GALR2: variants seen among roughly 807,000 people sequenced by gnomAD.
GALR2 encodes the protein galanin receptor 2, also known as galanin receptor type 2.
A neutral mutation model predicts 7.2 loss-of-function variants in GALR2; 5 were observed. The observed-to-expected ratio is 0.69, with a 90% CI of 0.36 to 1.45. The LOEUF (loss-of-function observed/expected upper bound fraction) is 1.45, where lower values mean the gene tolerates loss of function less well. Ranked by LOEUF, GALR2 falls within the 40% of genes most tolerant of loss-of-function variation. The pLI is 0.03. For synonymous variants in GALR2, 300 were observed against 263.9 expected (o/e 1.14, Z -1.32); for missense variants, 561 against 555.7 (o/e 1.01, Z -0.10).
upstream of GALR2, chr17:76,072,621 A>T (rs2066866183): frequency 6.9e-7 from 1 of 1,452,342 alleles, no homozygotes; most frequent in African/African-American, 1.5e-5. The surrounding 1 kb of genome is among the most constrained non-coding windows in gnomAD (Gnocchi z 4.5). Flanking sequence ...TTGCTGCAGC[A>T]GGGCGCCATG....
chr17:76,074,745 C>G, upstream of GALR2: 1 of 919,444 alleles, frequency 1.1e-6, no homozygotes, highest in Non-Finnish European at 1.6e-6. The surrounding 1 kb of genome is among the most constrained non-coding windows in gnomAD (Gnocchi z 6.7). Context: ...ATCCCCGCCC[C>G]AGATGAGGCA....
chr17:76,072,156 C>CG (rs397953549), upstream of GALR2: 2 of 1,450,524 alleles, frequency 1.4e-6, no homozygotes, highest in Non-Finnish European at 1.9e-6. The surrounding 1 kb of genome is among the most constrained non-coding windows in gnomAD (Gnocchi z 4.5). Context: ...AGACCCCCCC[C>CG]GGAATTCTGA....
At chr17:76,072,265 G>T, upstream of GALR2, 5 of 1,603,292 alleles carry the variant, frequency 3.1e-6, no homozygotes, top group South Asian at 3.3e-5. The surrounding 1 kb of genome is among the most constrained non-coding windows in gnomAD (Gnocchi z 4.5). Flanking sequence ...CCTCCAGTTC[G>T]ACACGTAATC....
Position 76,076,014 on chromosome 17 carries a change from G to C in GALR2, c.369-622G>C, listed in dbSNP as rs935922603. 4.6e-5 allele frequency among the ~76,000 whole-genome samples: 7 copies of C among 152,144 alleles called. No individual in the cohort carries two copies. The highest frequency in any genetic ancestry group is 1.7e-4 in the African/African-American group (7 of 41,430). On this transcript the variant is annotated intron_variant, in intron 1 of 1. Coordinates refer to ENST00000329003, the MANE Select transcript of GALR2 (RefSeq NM_003857.4). The surrounding 1 kb of genome is among the most constrained non-coding windows in gnomAD (Gnocchi z 6.5). ...TGAAAGGACACTGGGATGGTTCCTGGGGAGGAAATCCGGGTATTTCCCCTC... is the reference window on the plus strand; with the variant it reads ...TGAAAGGACACTGGGATGGTTCCTGCGGAGGAAATCCGGGTATTTCCCCTC...
upstream of GALR2, chr17:76,074,759 C>T (rs779859812): frequency 7.0e-5 from 76 of 1,078,306 alleles, no homozygotes; most frequent in Non-Finnish European, 9.2e-5. This position sits in a 1 kb window ranked among gnomAD's most constrained non-coding sequence, Gnocchi z 6.7. Context: ...TGAGGCAAGG[C>T]TCCCTCCGCC....
At chr17:76,072,446 T>TGCCGCC (rs536477130), upstream of GALR2, 1,578 of 1,579,176 alleles carry the variant, frequency 1.0e-3, 4 homozygotes, top group Non-Finnish European at 1.1e-3. The surrounding 1 kb of genome is among the most constrained non-coding windows in gnomAD (Gnocchi z 4.5). Flanking sequence ...CCGCCGCCAC[T>TGCCGCC]GCCGCCGCCG....
chr17:76,074,890 G>A lies in GALR2; in HGVS notation c.7G>A (p.Val3Ile), dbSNP rs199821083. 6.6e-6 allele frequency: 10 copies of A among 1,525,516 alleles called. No homozygotes were observed. The African/African-American group carries it at 1.4e-4, about 21-fold the overall frequency. 94.5% of individuals were successfully genotyped at this position (1,525,516 alleles called of 1,614,324 possible). The stretch of plus-strand genomic sequence containing the variant: ...CCTCGGGGTCAGCGGCACCATGAAC[G>A]TCTCGGGCTGCCCAGGGGCCGGGAA... MN[V>I]SGCPGAGNAS... The change falls in exon 1 of 2, where the codon GTC (valine) becomes ATC (isoleucine). Residue 3 changes from valine to isoleucine, a missense_variant. Physicochemically the swap from Val to Ile is conservative, Grantham distance 29. Coordinates refer to ENST00000329003, the MANE Select transcript of GALR2 (RefSeq NM_003857.4). The surrounding 1 kb of genome is among the most constrained non-coding windows in gnomAD (Gnocchi z 6.7).
chr17:76,072,766 G>A (rs1396900317), upstream of GALR2: 1 of 577,804 alleles, frequency 1.7e-6, no homozygotes, highest in Non-Finnish European at 2.9e-6. This position sits in a 1 kb window ranked among gnomAD's most constrained non-coding sequence, Gnocchi z 4.5. Flanking sequence ...CACCCACTAA[G>A]GGCGGAGAAC....
At position 76,075,486 on chromosome 17, in the gene GALR2, GC is replaced by G. The variant is rs1004703699; in HGVS notation, c.368+238del. ...CTGGAGAATGTGGCTCTCCAGCGCC[GC>G]CCGTGCCTGACAACGCGCAGCGTTT... On this transcript the variant is annotated intron_variant, in intron 1 of 1. Transcript: ENST00000329003. The surrounding 1 kb of genome is among the most constrained non-coding windows in gnomAD (Gnocchi z 5.9). Among the ~76,000 whole-genome samples the G allele has an allele frequency of 6.6e-6, 1 of 152,242 alleles. No individual in the cohort carries two copies. The highest frequency in any genetic ancestry group is 2.4e-5 in the African/African-American group (1 of 41,476).
rs1408426955 is a variant in GALR2 at position 76,076,876 on chromosome 17, C to T, written c.609C>T (p.Leu203=). 6 of 1,603,590 alleles carry T rather than the reference C, an allele frequency of 3.7e-6. No homozygotes were observed. In the African/African-American group the frequency reaches 6.7e-5, roughly 18 times the overall value. Reference sequence around the variant, plus strand: ...GCTACCTGCTTCCTGTGCTGGTTCTCGGCCTGACCTACGCGCGCACCTTGC... The same window carrying T: ...GCTACCTGCTTCCTGTGCTGGTTCTTGGCCTGACCTACGCGCGCACCTTGC... ...VFSYLLPVLV[L]GLTYARTLRY... Residue 203 remains leucine, a synonymous_variant, in exon 2 of 2, where the codon CTC becomes CTT. Transcript: ENST00000329003. The surrounding 1 kb of genome is among the most constrained non-coding windows in gnomAD (Gnocchi z 6.5).
chr17:76,076,887 A>C lies in GALR2; in HGVS notation c.620A>C (p.Tyr207Ser), dbSNP rs765594871. ...CCTGTGCTGGTTCTCGGCCTGACCT[A>C]CGCGCGCACCTTGCGCTACCTCTGG... ...LLPVLVLGLTYARTLRYLWRA... is the reference protein window; with the variant it reads ...LLPVLVLGLTSARTLRYLWRA... Residue 207 changes from tyrosine to serine, a missense_variant, in exon 2 of 2, where the codon TAC becomes TCC. Coordinates refer to ENST00000329003, the MANE Select transcript of GALR2 (RefSeq NM_003857.4). The surrounding 1 kb of genome is among the most constrained non-coding windows in gnomAD (Gnocchi z 6.5). 12 of 1,603,210 alleles carry C rather than the reference A, an allele frequency of 7.5e-6. No individual in the cohort carries two copies. Among genetic ancestry groups the C allele is most frequent in the Non-Finnish European group, 9.3e-6 (11 of 1,179,116 alleles).
At chr17:76,072,428 T>G (rs377012082), upstream of GALR2, 104 of 1,585,522 alleles carry the variant, frequency 6.6e-5, no homozygotes, top group Non-Finnish European at 8.6e-5. This position sits in a 1 kb window ranked among gnomAD's most constrained non-coding sequence, Gnocchi z 4.5. Context: ...CCGCCGCCAC[T>G]GCCACCGCCG....
chr17:76,076,639 T>A lies in GALR2; in HGVS notation c.372T>A (p.Tyr124Ter). The A allele has an allele frequency of 3.8e-6, 6 of 1,577,594 alleles. No individual in the cohort carries two copies. The highest frequency in any genetic ancestry group is 4.3e-6 in the Non-Finnish European group (5 of 1,166,106). Reference sequence around the variant, plus strand: ...TCCCTTCCCGGTCTGACCGCAGGTATCTGGCCATCCGCTACCCGCTGCACT... The same window carrying A: ...TCCCTTCCCGGTCTGACCGCAGGTAACTGGCCATCCGCTACCCGCTGCACT... Reference protein sequence around the residue: ...FTLAAVSLDRYLAIRYPLHSR... With the variant: ...FTLAAVSLDR The change falls in exon 2 of 2, where the codon TAT (tyrosine) becomes TAA (stop). Residue 124 changes from tyrosine to a stop codon, truncating the protein, a stop_gained. Coordinates refer to ENST00000329003, the MANE Select transcript of GALR2 (RefSeq NM_003857.4). LOFTEE classifies it low-confidence loss of function (END_TRUNC). The surrounding 1 kb of genome is among the most constrained non-coding windows in gnomAD (Gnocchi z 6.5).
At chr17:76,074,183 G>C (rs141769757), upstream of GALR2, among the ~76,000 whole-genome samples, 684 of 152,178 alleles carry the variant, frequency 4.5e-3, 5 homozygotes, top group African/African-American at 0.015. This position sits in a 1 kb window ranked among gnomAD's most constrained non-coding sequence, Gnocchi z 6.7. Context: ...AGACGTTGTG[G>C]CGGACGCCTG....
chr17:76,072,728 T>G, upstream of GALR2: 1 of 741,856 alleles, frequency 1.3e-6, no homozygotes, highest in East Asian at 3.1e-5. This position sits in a 1 kb window ranked among gnomAD's most constrained non-coding sequence, Gnocchi z 4.5. Flanking sequence ...CCGTGGCTGC[T>G]GAGATCTCAG....
Position 76,075,265 on chromosome 17 carries a change from T to G in GALR2, c.368+14T>G. ...CTCCCTGGACAGGTGAGCCAGCGCC[T>G]TGGCCTCCCTGGGAGATGGGCATCC... is the stretch of plus-strand genomic sequence containing the variant. On this transcript the variant is annotated intron_variant, in intron 1 of 1. Coordinates refer to ENST00000329003, the MANE Select transcript of GALR2 (RefSeq NM_003857.4). The surrounding 1 kb of genome is among the most constrained non-coding windows in gnomAD (Gnocchi z 5.9). 1 of 1,589,650 alleles carries G rather than the reference T, an allele frequency of 6.3e-7. No individual in the cohort carries two copies. Among genetic ancestry groups the G allele is most frequent in the Non-Finnish European group, 8.5e-7 (1 of 1,172,682 alleles).
rs990525594 is a variant in GALR2 at position 76,075,296 on chromosome 17, G to A, written c.368+45G>A. 1.3e-6 allele frequency: 2 copies of A among 1,566,726 alleles called. No individual in the cohort carries two copies. The highest frequency in any genetic ancestry group is 1.2e-5 in the South Asian group (1 of 85,800). On this transcript the variant is annotated intron_variant, in intron 1 of 1. Coordinates refer to ENST00000329003, the MANE Select transcript of GALR2 (RefSeq NM_003857.4). This position sits in a 1 kb window ranked among gnomAD's most constrained non-coding sequence, Gnocchi z 5.9. ...TCCCTGGGAGATGGGCATCCACGCG[G>A]GGGATGGAGCGGGAGGCGGGACTGG...
Position 76,074,985 on chromosome 17 carries a change from C to A in GALR2, c.102C>A (p.Leu34=). 6.2e-7 allele frequency: 1 copy of A among 1,604,774 alleles called. No individual in the cohort carries two copies. The highest frequency in any genetic ancestry group is 8.5e-7 in the Non-Finnish European group (1 of 1,179,538). ...TCATCGTGCCCCTGCTCTTCGCGCT[C>A]ATCTTCCTCGTGGGCACCGTGGGCA... ...EAVIVPLLFA[L]IFLVGTVGNT... is the part of the protein sequence containing the mutation. Residue 34 remains leucine, a synonymous_variant, in exon 1 of 2, where the codon CTC becomes CTA. Coordinates refer to ENST00000329003, the MANE Select transcript of GALR2 (RefSeq NM_003857.4). The surrounding 1 kb of genome is among the most constrained non-coding windows in gnomAD (Gnocchi z 6.7).
At position 76,076,588 on chromosome 17, in the gene GALR2, A is replaced by G. The variant is rs760654809; in HGVS notation, c.369-48A>G. 1.2e-5 allele frequency: 16 copies of G among 1,344,190 alleles called. No individual in the cohort carries two copies. The South Asian group carries it at 2.1e-4, about 17-fold the overall frequency. 83.3% of individuals were successfully genotyped at this position (1,344,190 alleles called of 1,614,324 possible). On this transcript the variant is annotated intron_variant, in intron 1 of 1. Transcript: ENST00000329003. The surrounding 1 kb of genome is among the most constrained non-coding windows in gnomAD (Gnocchi z 6.5). The stretch of plus-strand genomic sequence containing the variant: ...GGTGCAGGGGTCGCGGCCCTCCAGC[A>G]TGAATGTGCCCGCTCAGCCGACGTC...
Sources: allele counts gnomAD v4.1 joint callset (sites outside exome capture counted in the v4.1 genomes callset), GRCh38; gene constraint gnomAD v4.1.1; non-coding constraint Gnocchi (gnomAD v3.1); transcripts MANE v1.5; gene names NCBI Gene and HGNC (gene_info 2026-07-23, HGNC 2026-07-21).